The following OPN3 variants were observed in gnomAD, a reference collection of about 807,000 sequenced individuals.
The protein encoded by OPN3 is opsin 3.
In OPN3, 29 loss-of-function variants were observed where a neutral mutation model predicts 33.8. The ratio of observed to expected loss-of-function variants is 0.86; its 90% CI spans 0.64 to 1.17. OPN3 has a LOEUF of 1.17. OPN3 is among the 50% of genes most tolerant of loss of function. OPN3 has a pLI of 0.00. For synonymous variants in OPN3, 216 were observed against 216.1 expected (o/e 1.00, Z 0.00); for missense variants, 437 against 514.1 (o/e 0.85, Z 1.45).
chr1:241,634,251 AG>A, intron 1 of OPN3: 1 of 1,613,996 alleles, frequency 6.2e-7, no homozygotes, highest in Non-Finnish European at 8.5e-7. Flanking sequence ...TGTACCAGAT[AG>A]GTGTCCTTCA....
Position 241,604,291 on chromosome 1 carries a change from C to T in OPN3, c.662G>A (p.Cys221Tyr), listed in dbSNP as rs748441999. Residue 221 changes from cysteine (C) to tyrosine (Y), a missense_variant, in exon 2 of 4, where the codon TGC (cysteine) becomes TAC (tyrosine). By Grantham distance (194) the Cys-to-Tyr change is radical. Coordinates refer to ENST00000366554, the MANE Select transcript of OPN3 (RefSeq NM_014322.3). ...AATGGAATATAGAATATGGCCATAG[C>T]AATGGGCTATGACACCCAGGGGCAC... ...LVVPLGVIAH[C>Y]YGHILYSIRM... 1.1e-5 allele frequency: 17 copies of T among 1,613,944 alleles called. No individual in the cohort carries two copies. The East Asian group carries it at 3.8e-4, about 36-fold the overall frequency.
intron 1 of OPN3, among the ~76,000 whole-genome samples, chr1:241,605,210 G>A (rs1472832011): frequency 6.6e-6 from 1 of 152,098 alleles, no homozygotes; most frequent in East Asian, 1.9e-4. Flanking sequence ...ACGAGTAAGG[G>A]AGAGTCACTA....
At chr1:241,628,393 TATTAA>T (rs778073000) in intron 1 of OPN3, among the ~76,000 whole-genome samples, 46 of 152,264 alleles carry the variant, frequency 3.0e-4, no homozygotes, top group Non-Finnish European at 5.6e-4. Context: ...AATGGATGCT[TATTAA>T]ATTAAATCAC....
chr1:241,604,253 A>C lies in OPN3; in HGVS notation c.693+7T>G. On this transcript the variant is annotated splice_region_variant and intron_variant, in intron 2 of 3. Transcript: ENST00000366554. ...TGGGAGGGGGGCATCTGTAGTCTTC[A>C]ACTCACCATTCGAATGGAATATAGA... 6 of 1,611,978 alleles carry C rather than the reference A, an allele frequency of 3.7e-6. No individual in the cohort carries two copies. The highest frequency in any genetic ancestry group is 5.1e-6 in the Non-Finnish European group (6 of 1,178,574).
chr1:241,601,980 G>T (rs1663690612), intron 2 of OPN3, among the ~76,000 whole-genome samples: 1 of 152,206 alleles, frequency 6.6e-6, no homozygotes, highest in African/African-American at 2.4e-5. Flanking sequence ...GACCATCCAA[G>T]TGGAGGTGTT....
intron 1 of OPN3, chr1:241,614,173 T>TA (rs200297244): frequency 0.012 from 1,859 of 148,850 alleles, 35 homozygotes; most frequent in African/African-American, 0.042. Context: ...GTCTCAAAAT[T>TA]AAAAAAAAAA....
At chr1:241,615,985 G>A (rs781575506) in intron 1 of OPN3, 4 of 456,506 alleles carry the variant, frequency 8.8e-6, no homozygotes, top group African/African-American at 2.0e-5. Flanking sequence ...TTGGACCAAT[G>A]GCCAAGAGAC....
rs746787935 is a variant in OPN3 at position 241,597,958 on chromosome 1, T to C, written c.733A>G (p.Lys245Glu). Residue 245 changes from lysine to glutamate, a missense_variant, in exon 3 of 4, where the codon AAG becomes GAG. Lys to Glu is a moderately conservative substitution (Grantham distance 56). Transcript: ENST00000366554. Reference protein sequence around the residue: ...VEDLQTIQVIKILKYEKKLAK... With the variant: ...VEDLQTIQVIEILKYEKKLAK... ...AGTTTCTTTTCATATTTTAAAATCTTGATCACTTGAATTGTCTGAAGATCT... is the reference window on the plus strand; with the variant it reads ...AGTTTCTTTTCATATTTTAAAATCTCGATCACTTGAATTGTCTGAAGATCT... 10 of 1,613,688 alleles carry C rather than the reference T, an allele frequency of 6.2e-6. No homozygotes were observed. The Admixed American group carries it at 1.2e-4, about 19-fold the overall frequency.
intron 1 of OPN3, chr1:241,634,349 T>A: frequency 6.2e-7 from 1 of 1,614,010 alleles, no homozygotes; most frequent in East Asian, 2.2e-5. Flanking sequence ...AATGGAAGTC[T>A]GCTGATCTAA....
At chr1:241,618,961 G>C (rs1303571547) in intron 1 of OPN3, among the ~76,000 whole-genome samples, 4 of 148,010 alleles carry the variant, frequency 2.7e-5, no homozygotes, top group Non-Finnish European at 5.9e-5. Flanking sequence ...GCCTCCAGTG[G>C]GCAGGCTAGT....
chr1:241,615,574 C>A (rs374764826), intron 1 of OPN3, among the ~76,000 whole-genome samples: 1 of 152,156 alleles, frequency 6.6e-6, no homozygotes, highest in East Asian at 1.9e-4. Context: ...ATACCATTCC[C>A]ACTATTCTAG....
intron 1 of OPN3, among the ~76,000 whole-genome samples, chr1:241,639,519 C>T (rs1250956809): frequency 6.6e-6 from 1 of 151,946 alleles, no homozygotes; most frequent in East Asian, 1.9e-4. Flanking sequence ...TCGTCTCTTT[C>T]CTCAAAGTGT....
At chr1:241,634,031 C>A (rs766030729) in intron 1 of OPN3, 1 of 1,613,642 alleles carries the variant, frequency 6.2e-7, no homozygotes, top group Non-Finnish European at 8.5e-7. Context: ...ACAGTCAGGC[C>A]CAGAGCAGAC....
In OPN3 at chr1:241,639,984, A is replaced by G; in HGVS notation, c.271T>C (p.Ser91Pro). 1 of 1,612,690 alleles carries G rather than the reference A, an allele frequency of 6.2e-7. No individual in the cohort carries two copies. Among genetic ancestry groups the G allele is most frequent in the Non-Finnish European group, 8.5e-7 (1 of 1,179,436 alleles). ...AAGGTAAAGGTGACCCCGAAGAGGGACACCAGCAGGTCGCTGAGGCTGATG... is the reference window on the plus strand; with the variant it reads ...AAGGTAAAGGTGACCCCGAAGAGGGGCACCAGCAGGTCGCTGAGGCTGATG... ...VNISLSDLLVSLFGVTFTFVS... is the reference protein window; with the variant it reads ...VNISLSDLLVPLFGVTFTFVS... The change falls in exon 1 of 4, where the codon TCC becomes CCC. Residue 91 changes from serine to proline, a missense_variant. Ser to Pro is a moderately conservative substitution (Grantham distance 74). Transcript: ENST00000366554.
At chr1:241,606,281 T>C (rs555622380) in intron 1 of OPN3, among the ~76,000 whole-genome samples, 23 of 152,282 alleles carry the variant, frequency 1.5e-4, no homozygotes, top group African/African-American at 5.3e-4. Context: ...CGGTGGCTTA[T>C]ACCTGTAATC....
At chr1:241,596,894 G>A (rs1264451061) in intron 3 of OPN3, among the ~76,000 whole-genome samples, 1 of 152,178 alleles carries the variant, frequency 6.6e-6, no homozygotes, top group Non-Finnish European at 1.5e-5. Flanking sequence ...GTGCGATAGT[G>A]GGTCACTGCA....
At chr1:241,610,490 T>C (rs1216208616) in intron 1 of OPN3, among the ~76,000 whole-genome samples, 1 of 152,190 alleles carries the variant, frequency 6.6e-6, no homozygotes, top group Non-Finnish European at 1.5e-5. Flanking sequence ...GGATACAGTA[T>C]GTATAAAAGC....
chr1:241,634,252 G>C (rs201448683), intron 1 of OPN3: 2 of 1,613,938 alleles, frequency 1.2e-6, no homozygotes, highest in East Asian at 2.2e-5. Flanking sequence ...GTACCAGATA[G>C]GTGTCCTTCA....
chr1:241,635,168 TCATCTTTATCTC>T (rs768988389), intron 1 of OPN3: 6 of 1,612,928 alleles, frequency 3.7e-6, no homozygotes, highest in African/African-American at 1.3e-5. Flanking sequence ...AGATTTGCTT[TCATCTTTATCTC>T]CATCTTTATC....
Sources: gnomAD v4.1 joint callset for allele counts (sites outside exome capture counted in the v4.1 genomes callset) on GRCh38, gnomAD v4.1.1 for gene constraint, MANE v1.5 for transcripts, NCBI Gene and HGNC (gene_info 2026-07-23, HGNC 2026-07-21) for gene names.